The following TRIM42 variants were observed in gnomAD, a reference collection of about 807,000 sequenced individuals.
TRIM42 encodes tripartite motif-containing protein 42.
A neutral mutation model predicts 64.9 loss-of-function variants in TRIM42; 59 were observed. The ratio of observed to expected loss-of-function variants is 0.91; its 90% CI spans 0.74 to 1.13. TRIM42 has a LOEUF of 1.13. TRIM42 is among the 50% of genes most tolerant of loss of function. The pLI, the probability that TRIM42 is intolerant of heterozygous loss-of-function variation, is 0.00. For missense variants in TRIM42, 878 were observed against 929.5 expected (o/e 0.94, Z 0.72); for synonymous variants, 354 against 346.3 (o/e 1.02, Z -0.25).
At chr3:140,689,415 C>T (rs1988649471) in intron 3 of TRIM42, among the ~76,000 whole-genome samples, 2 of 152,196 alleles carry the variant, frequency 1.3e-5, no homozygotes, top group Admixed American at 1.3e-4. Context: ...CTCCCAAAGA[C>T]TTTCAGATCC....
chr3:140,700,401 C>T (rs990967767), intron 4 of TRIM42, among the ~76,000 whole-genome samples: 1 of 152,134 alleles, frequency 6.6e-6, no homozygotes, highest in African/African-American at 2.4e-5. Context: ...AGAATCTTCT[C>T]TTTTCCATAA....
At chr3:140,690,918 G>C in intron 3 of TRIM42, 50 bp from the exon 4 acceptor site, 1 of 1,454,274 alleles carries the variant, frequency 6.9e-7, no homozygotes, top group Non-Finnish European at 9.6e-7. Context: ...GGGAAAGAAA[G>C]CTGAATGATG....
At chr3:140,694,524 G>A (rs1988801418) in intron 4 of TRIM42, among the ~76,000 whole-genome samples, 1 of 152,112 alleles carries the variant, frequency 6.6e-6, no homozygotes, top group South Asian at 2.1e-4. Flanking sequence ...TTGACTCACT[G>A]TCTCCCTCTG....
At chr3:140,698,094 T>C (rs2107768749) in intron 4 of TRIM42, among the ~76,000 whole-genome samples, 1 of 152,348 alleles carries the variant, frequency 6.6e-6, no homozygotes, top group Non-Finnish European at 1.5e-5. Flanking sequence ...CATACTTGTT[T>C]TATTATTTTT....
chr3:140,680,343 T>G (rs982227991), intron 1 of TRIM42, among the ~76,000 whole-genome samples: 2 of 152,052 alleles, frequency 1.3e-5, no homozygotes, highest in African/African-American at 4.8e-5. Context: ...TTGTCCTGCC[T>G]CACTCTGGTC....
In TRIM42 at chr3:140,678,418, C is replaced by T. The variant is rs751246900; in HGVS notation, c.189C>T (p.Cys63=). 1.2e-6 allele frequency: 2 copies of T among 1,614,180 alleles called. No individual in the cohort carries two copies. Among genetic ancestry groups the T allele is most frequent in the African/African-American group, 1.3e-5 (1 of 75,036 alleles). The part of the protein sequence containing the change: ...CHCTCSESPN[C]HWCCCSWAND... Reference sequence around the variant, plus strand: ...GCACCTGTTCTGAGAGCCCCAACTGCCATTGGTGTTGCTGCTCTTGGGCCA... The same window carrying T: ...GCACCTGTTCTGAGAGCCCCAACTGTCATTGGTGTTGCTGCTCTTGGGCCA... The change falls in exon 1 of 5, where the codon TGC becomes TGT. Residue 63 remains cysteine, a synonymous_variant. Transcript: ENST00000286349.
At chr3:140,698,252 C>T (rs1015475322) in intron 4 of TRIM42, among the ~76,000 whole-genome samples, 3 of 152,226 alleles carry the variant, frequency 2.0e-5, no homozygotes, top group East Asian at 3.9e-4. Context: ...AGAAAACATT[C>T]AGATAGAATT....
chr3:140,698,736 T>C (rs1320229703), intron 4 of TRIM42, among the ~76,000 whole-genome samples: 1 of 152,170 alleles, frequency 6.6e-6, no homozygotes, highest in Non-Finnish European at 1.5e-5. Flanking sequence ...ATTCCAGCAA[T>C]GTCAGAAACT....
chr3:140,679,214 G>A (rs902809498), intron 1 of TRIM42, among the ~76,000 whole-genome samples: 5 of 152,034 alleles, frequency 3.3e-5, no homozygotes, highest in South Asian at 2.1e-4. Flanking sequence ...TTGACCCTGC[G>A]GACCATATAA....
intron 1 of TRIM42, 118 bp from the exon 2 acceptor site, chr3:140,682,343 AG>A: frequency 1.0e-6 from 1 of 964,012 alleles, no homozygotes; most frequent in Non-Finnish European, 1.5e-6. Flanking sequence ...CGCCCAGCTC[AG>A]GCTCCTCACC....
chr3:140,686,035 G>C (rs1988537313), intron 2 of TRIM42, among the ~76,000 whole-genome samples: 1 of 152,144 alleles, frequency 6.6e-6, no homozygotes, highest in Non-Finnish European at 1.5e-5. Context: ...GCAGAGGTTT[G>C]GGGTGGGACA....
At chr3:140,698,429 C>A (rs549789737) in intron 4 of TRIM42, among the ~76,000 whole-genome samples, 4 of 152,206 alleles carry the variant, frequency 2.6e-5, no homozygotes, top group Admixed American at 2.6e-4. Context: ...AGAGATCTAA[C>A]GTACAGCATG....
chr3:140,686,637 A>G (rs1245174444), intron 2 of TRIM42, among the ~76,000 whole-genome samples: 1 of 152,182 alleles, frequency 6.6e-6, no homozygotes, highest in Non-Finnish European at 1.5e-5. Flanking sequence ...AACCCAGGAT[A>G]ATGTTATGAA....
In TRIM42 at chr3:140,682,803, G is replaced by A. The variant is rs766965674; in HGVS notation, c.683G>A (p.Arg228His). The stretch of plus-strand genomic sequence containing the variant: ...CAGGAGCACGGCTACCTCAAGTGGC[G>A]CTTTGACCGCTCCTCCGGGCCCATC... ...YMQEHGYLKW[R>H]FDRSSGPILC... is the part of the protein sequence containing the mutation. Residue 228 changes from arginine (R) to histidine (H), a missense_variant, in exon 2 of 5, where the codon CGC (arginine) becomes CAC (histidine). Arg to His is a conservative substitution (Grantham distance 29). Coordinates refer to ENST00000286349, the MANE Select transcript of TRIM42 (RefSeq NM_152616.5). 3.1e-6 allele frequency: 5 copies of A among 1,613,900 alleles called. No individual in the cohort carries two copies. The South Asian group carries it at 4.4e-5, about 14-fold the overall frequency.
At chr3:140,700,806 G>A (rs569560125) in intron 4 of TRIM42, 82 bp from the exon 5 acceptor site, 46 of 1,223,350 alleles carry the variant, frequency 3.8e-5, no homozygotes, top group Admixed American at 8.7e-5. Flanking sequence ...AATGATGTGT[G>A]TAGTGTCTGA....
chr3:140,681,967 C>T (rs186171111), intron 1 of TRIM42, among the ~76,000 whole-genome samples: 1 of 151,134 alleles, frequency 6.6e-6, no homozygotes. Flanking sequence ...ACGTTCTTGT[C>T]GGAGTCCAAA....
At chr3:140,681,026 A>C (rs1354916270) in intron 1 of TRIM42, among the ~76,000 whole-genome samples, 1 of 152,226 alleles carries the variant, frequency 6.6e-6, no homozygotes, top group Non-Finnish European at 1.5e-5. Context: ...TGCCTTTTAC[A>C]CCTCCATTCC....
In TRIM42 at chr3:140,682,639, G is replaced by A. The variant is rs1223747710; in HGVS notation, c.519G>A (p.Leu173=). 2 of 1,613,948 alleles carry A rather than the reference G, an allele frequency of 1.2e-6. No individual in the cohort carries two copies. The highest frequency in any genetic ancestry group is 2.7e-5 in the African/African-American group (2 of 75,060). ...HSLCEKCLRQ[L]QKHAEVTENF... The stretch of plus-strand genomic sequence containing the variant: ...TGTGCGAGAAGTGCCTGCGGCAGCT[G>A]CAGAAGCACGCCGAGGTCACCGAGA... Residue 173 remains leucine (L), a synonymous_variant, in exon 2 of 5, where the codon CTG becomes CTA. Transcript: ENST00000286349.
intron 3 of TRIM42, among the ~76,000 whole-genome samples, chr3:140,690,507 A>T (rs1988675816): frequency 6.9e-6 from 1 of 145,188 alleles, no homozygotes; most frequent in Admixed American, 6.9e-5. Flanking sequence ...ATAGAAATCA[A>T]AGCTACTTAA....
Sources: allele counts gnomAD v4.1 joint callset (sites outside exome capture counted in the v4.1 genomes callset), GRCh38; gene constraint gnomAD v4.1.1; transcripts MANE v1.5; gene names NCBI Gene and HGNC (gene_info 2026-07-23, HGNC 2026-07-21).